DMRT2: variants seen among roughly 807,000 people sequenced by gnomAD.
DMRT2 encodes the protein doublesex and mab-3 related transcription factor 2, also known as doublesex- and mab-3-related transcription factor 2.
Under a neutral mutation model 43.5 loss-of-function variants are expected in DMRT2, and 33 were observed. That is an observed-to-expected ratio of 0.76 (90% confidence interval 0.58 to 1.01). The LOEUF is 1.01. Ranked by LOEUF, DMRT2 falls within the 50% of genes least tolerant of loss-of-function variation. The pLI is 0.00. For missense variants in DMRT2, 1,064 were observed against 748.0 expected (o/e 1.42, Z -4.93); for synonymous variants, 395 against 309.2 (o/e 1.28, Z -2.91).
intron 2 of DMRT2, among the ~76,000 whole-genome samples, chr9:1,052,843 G>A (rs1056876338): frequency 1.3e-5 from 2 of 152,190 alleles, no homozygotes; most frequent in Admixed American, 1.3e-4. Flanking sequence ...CCTGGACAGG[G>A]AGAGTTCAGC....
chr9:1,052,742 C>T (rs1484910369), intron 2 of DMRT2, among the ~76,000 whole-genome samples: 3 of 152,152 alleles, frequency 2.0e-5, no homozygotes, highest in Non-Finnish European at 2.9e-5. Context: ...CTGCTGCTTC[C>T]CATCGGAGGA....
chr9:1,052,156 C>T lies in DMRT2; in HGVS notation c.525+18C>T. On this transcript the variant is annotated intron_variant, in intron 2 of 3. Transcript: ENST00000358146. ...CCACCGAGGTGCGTACCCGCCCGGC[C>T]CGGGCGTCTCAGGCCACAGTGGAGG... 1 of 1,361,586 alleles carries T rather than the reference C, an allele frequency of 7.3e-7. No homozygotes were observed. The highest frequency in any genetic ancestry group is 3.1e-5 in the East Asian group (1 of 32,258). 84.3% of individuals were successfully genotyped at this position (1,361,586 alleles called of 1,614,324 possible).
intron 3 of DMRT2, among the ~76,000 whole-genome samples, 164 bp downstream of exon 3, chr9:1,053,988 T>A (rs1277389019): frequency 6.6e-6 from 1 of 152,198 alleles, no homozygotes; most frequent in African/African-American, 2.4e-5. Flanking sequence ...ACGCTAAAAC[T>A]GAACCCGTAC....
In DMRT2 at chr9:1,056,172, C is replaced by T. The variant is rs73639841; in HGVS notation, c.629-44C>T. 4.9e-3 allele frequency: 7,621 copies of T among 1,548,942 alleles called. 328 individuals are homozygous for T. In the African/African-American group the frequency reaches 0.093, roughly 19 times the overall value. On this transcript the variant is annotated intron_variant, in intron 3 of 3. Coordinates refer to ENST00000358146, the MANE Select transcript of DMRT2 (RefSeq NM_181872.6). ...CTTCTGGGTTTCCACATTTTTATTC[C>T]GTAGATGTTAATCTCTTTCATGTGC...
Position 1,056,357 on chromosome 9 carries a change from G to A in DMRT2, c.770G>A (p.Arg257Lys). ...NIMLEREYKEREMLETSQAAA... is the reference protein window; with the variant it reads ...NIMLEREYKEKEMLETSQAAA... The stretch of plus-strand genomic sequence containing the variant: ...ATGCTGGAGAGAGAATATAAAGAAA[G>A]GGAGATGTTGGAAACTTCTCAAGCT... Residue 257 changes from arginine (R) to lysine (K), a missense_variant, in exon 4 of 4, where the codon AGG (arginine) becomes AAG (lysine). Arg to Lys is a conservative substitution (Grantham distance 26). Transcript: ENST00000358146. 6.2e-7 allele frequency: 1 copy of A among 1,614,178 alleles called. No homozygotes were observed. The highest frequency in any genetic ancestry group is 8.5e-7 in the Non-Finnish European group (1 of 1,180,048).
rs914360965 is a variant in DMRT2, at chr9:1,056,468, C to A, written c.881C>A (p.Pro294Gln). The A allele has an allele frequency of 1.9e-6, 3 of 1,614,208 alleles. No individual in the cohort carries two copies. The highest frequency in any genetic ancestry group is 1.3e-5 in the African/African-American group (1 of 75,050). ...KSAYSPSPVE[P>Q]PSKDFCNFLP... The stretch of plus-strand genomic sequence containing the variant: ...GCCTACAGCCCCAGCCCAGTGGAAC[C>A]ACCAAGCAAGGACTTCTGTAATTTT... The change falls in exon 4 of 4, where the codon CCA becomes CAA. Residue 294 changes from proline (P) to glutamine (Q), a missense_variant. Physicochemically the swap from Pro to Gln is moderately conservative, Grantham distance 76. Coordinates refer to ENST00000358146, the MANE Select transcript of DMRT2 (RefSeq NM_181872.6).
chr9:1,051,921 A>G lies in DMRT2; in HGVS notation c.308A>G (p.Glu103Gly). 5 of 1,359,240 alleles carry G rather than the reference A, an allele frequency of 3.7e-6. No individual in the cohort carries two copies. Among genetic ancestry groups the G allele is most frequent in the Non-Finnish European group, 4.7e-6 (5 of 1,066,054 alleles). The allele number at this position is 1,359,240 out of a possible 1,614,324, so 84.2% of individuals were successfully genotyped here. The change falls in exon 2 of 4, where the codon GAG (glutamate) becomes GGG (glycine). Residue 103 changes from glutamate (E) to glycine (G), a missense_variant. Transcript: ENST00000358146. The surrounding 1 kb of genome is among the most constrained non-coding windows in gnomAD (Gnocchi z 5.9). ...TCACCCGCCGGCACCGGTCCCCGAG[A>G]GCGCTGCACTCCCGCGGGCGGCGGC... ...QASPAGTGPR[E>G]RCTPAGGGAE...
intron 1 of DMRT2, among the ~76,000 whole-genome samples, chr9:1,050,982 C>G (rs1821528983): frequency 6.6e-6 from 1 of 152,128 alleles, no homozygotes; most frequent in Non-Finnish European, 1.5e-5. Flanking sequence ...TTATGGGACG[C>G]TAATGACAAC....
At position 1,056,267 on chromosome 9, in the gene DMRT2, C is replaced by T. The variant is rs371109443; in HGVS notation, c.680C>T (p.Pro227Leu). 14 of 1,614,012 alleles carry T rather than the reference C, an allele frequency of 8.7e-6. No individual in the cohort carries two copies. Among genetic ancestry groups the T allele is most frequent in the Non-Finnish European group, 1.2e-5 (14 of 1,179,992 alleles). ...TATGTAGGAGGGACCTTCCCTCTACCTCCCCCAGTTAGTGACAGGATGAGG... is the reference window on the plus strand; with the variant it reads ...TATGTAGGAGGGACCTTCCCTCTACTTCCCCCAGTTAGTGACAGGATGAGG... Reference protein sequence around the residue: ...ETYVGGTFPLPPPVSDRMRKR... With the variant: ...ETYVGGTFPLLPPVSDRMRKR... Residue 227 changes from proline (P) to leucine (L), a missense_variant, in exon 4 of 4, where the codon CCT becomes CTT. By Grantham distance (98) the Pro-to-Leu change is moderately conservative. Transcript: ENST00000358146.
In DMRT2 at chr9:1,051,831, G is replaced by A. The variant is rs1271589534; in HGVS notation, c.218G>A (p.Gly73Glu). The change falls in exon 2 of 4, where the codon GGG becomes GAG. Residue 73 changes from glycine to glutamate, a missense_variant. Coordinates refer to ENST00000358146, the MANE Select transcript of DMRT2 (RefSeq NM_181872.6). This position sits in a 1 kb window ranked among gnomAD's most constrained non-coding sequence, Gnocchi z 5.9. ...GDGEEAGASP[G>E]MPGQPEQRGG... is the part of the protein sequence containing the mutation. Reference sequence around the variant, plus strand: ...GGCGAGGAGGCAGGCGCGTCCCCCGGGATGCCCGGCCAGCCGGAGCAGCGG... The same window carrying A: ...GGCGAGGAGGCAGGCGCGTCCCCCGAGATGCCCGGCCAGCCGGAGCAGCGG... 6.9e-7 allele frequency: 1 copy of A among 1,446,428 alleles called. No homozygotes were observed. Among genetic ancestry groups the A allele is most frequent in the Non-Finnish European group, 9.0e-7 (1 of 1,106,738 alleles). 89.6% of individuals were successfully genotyped at this position (1,446,428 alleles called of 1,614,324 possible).
At position 1,053,738 on chromosome 9, in the gene DMRT2, C is replaced by G. The variant is rs1821775339; in HGVS notation, c.542C>G (p.Ser181Cys). ...QQATEDKKGL[S>C]GKQNNFERKA... ...TGTTTACAGGACAAGAAGGGGCTTT[C>G]CGGGAAACAGAATAATTTCGAGCGC... Residue 181 changes from serine (S) to cysteine (C), a missense_variant, in exon 3 of 4, where the codon TCC (serine) becomes TGC (cysteine). By Grantham distance (112) the Ser-to-Cys change is moderately radical (BLOSUM62 -1). Transcript: ENST00000358146. 1.2e-6 allele frequency: 2 copies of G among 1,613,664 alleles called. No individual in the cohort carries two copies. The highest frequency in any genetic ancestry group is 1.7e-5 in the Admixed American group (1 of 59,968).
At position 1,054,024 on chromosome 9, in the gene DMRT2, C is replaced by A. The variant is rs569232737; in HGVS notation, c.628+200C>A. On this transcript the variant is annotated intron_variant, in intron 3 of 3. Transcript: ENST00000358146. The stretch of plus-strand genomic sequence containing the variant: ...GGAGAAGATTAGCATGGCCCGGGAA[C>A]CAGAAAGTTTTCTTCTAGGAAGGAA... Among the ~76,000 whole-genome samples the A allele has an allele frequency of 2.0e-5, 3 of 152,206 alleles. No homozygotes were observed. In the East Asian group the frequency reaches 5.8e-4, roughly 29 times the overall value.
At chr9:1,052,603 T>C (rs549379040) in intron 2 of DMRT2, among the ~76,000 whole-genome samples, 2 of 151,768 alleles carry the variant, frequency 1.3e-5, no homozygotes, top group South Asian at 4.2e-4. Context: ...ACCTGGACGT[T>C]TGAGATATCT....
chr9:1,051,831 G>T lies in DMRT2; in HGVS notation c.218G>T (p.Gly73Val). The T allele has an allele frequency of 6.9e-7, 1 of 1,446,428 alleles. No homozygotes were observed. The allele number at this position is 1,446,428 out of a possible 1,614,324, so 89.6% of individuals were successfully genotyped here. ...GGCGAGGAGGCAGGCGCGTCCCCCG[G>T]GATGCCCGGCCAGCCGGAGCAGCGG... ...GDGEEAGASP[G>V]MPGQPEQRGG... The change falls in exon 2 of 4, where the codon GGG becomes GTG. Residue 73 changes from glycine to valine, a missense_variant. By Grantham distance (109) the Gly-to-Val change is moderately radical (BLOSUM62 -3). Coordinates refer to ENST00000358146, the MANE Select transcript of DMRT2 (RefSeq NM_181872.6). This position sits in a 1 kb window ranked among gnomAD's most constrained non-coding sequence, Gnocchi z 5.9.
At chr9:1,054,057 C>A (rs1219555451) in intron 3 of DMRT2, among the ~76,000 whole-genome samples, 1 of 152,160 alleles carries the variant, frequency 6.6e-6, no homozygotes, top group African/African-American at 2.4e-5. Context: ...GAAACCGCCA[C>A]CTGGGAAAAT....
chr9:1,054,509 C>A (rs548983098), intron 3 of DMRT2: 1 of 150,046 alleles, frequency 6.7e-6, no homozygotes, highest in South Asian at 2.1e-4. Flanking sequence ...AAAAAGGTTT[C>A]GAATCCAGCA....
chr9:1,052,052 T>C lies in DMRT2; in HGVS notation c.439T>C (p.Cys147Arg). Reference protein sequence around the residue: ...GHKRFCRWRDCQCANCLLVVE... With the variant: ...GHKRFCRWRDRQCANCLLVVE... The stretch of plus-strand genomic sequence containing the variant: ...CAAGCGCTTCTGTCGCTGGCGCGAC[T>C]GCCAGTGCGCCAACTGCCTGCTGGT... Residue 147 changes from cysteine (C) to arginine (R), a missense_variant, in exon 2 of 4, where the codon TGC becomes CGC. Transcript: ENST00000358146. 6.8e-7 allele frequency: 1 copy of C among 1,471,862 alleles called. No homozygotes were observed. Among genetic ancestry groups the C allele is most frequent in the South Asian group, 1.3e-5 (1 of 77,744 alleles). 91.2% of individuals were successfully genotyped at this position (1,471,862 alleles called of 1,614,324 possible).
intron 3 of DMRT2, chr9:1,055,787 A>G (rs747929955): frequency 6.6e-7 from 1 of 1,509,444 alleles, no homozygotes; most frequent in South Asian, 1.3e-5. Context: ...AATAAAAGTG[A>G]CATCAGCTCT....
At chr9:1,052,251 C>G (rs1191875610) in intron 2 of DMRT2, 113 bp downstream of exon 2, 1 of 819,364 alleles carries the variant, frequency 1.2e-6, no homozygotes, top group African/African-American at 1.8e-5. Context: ...GTGCCTGGCA[C>G]TCCCTAGGAA....
Sources: allele counts gnomAD v4.1 joint callset (sites outside exome capture counted in the v4.1 genomes callset), GRCh38; gene constraint gnomAD v4.1.1; non-coding constraint Gnocchi (gnomAD v3.1); transcripts MANE v1.5; gene names NCBI Gene and HGNC (gene_info 2026-07-23, HGNC 2026-07-21).